Variants in PLCH1 observed in about 807,000 individuals in gnomAD.
PLCH1 encodes phospholipase C eta 1.
A neutral mutation model predicts 126.7 loss-of-function variants in PLCH1; 60 were observed. The ratio of observed to expected loss-of-function variants is 0.47; its 90% CI spans 0.38 to 0.59. PLCH1 has a LOEUF of 0.59. PLCH1 is among the 20% of genes least tolerant of loss of function. The pLI, the probability that PLCH1 is intolerant of heterozygous loss-of-function variation, is 0.00. For missense variants in PLCH1, 1,723 were observed against 2,040.0 expected, an observed-to-expected ratio of 0.84 and a Z score of 2.99; for synonymous variants, 719 against 734.9, an observed-to-expected ratio of 0.98 and a Z score of 0.35.
intron 21 of PLCH1, among the ~76,000 whole-genome samples, chr3:155,469,642 G>C (rs1241716483): frequency 6.6e-6 from 1 of 151,506 alleles, no homozygotes; most frequent in Non-Finnish European, 1.5e-5. Context: ...CAAACAAAAA[G>C]ACAGCAGTAA....
rs9828131 is a variant in PLCH1, at chr3:155,709,819, C to T, written c.-40-5555G>A. Among the ~76,000 whole-genome samples the T allele has an allele frequency of 1.2e-4, 19 of 152,220 alleles. No homozygotes were observed. The South Asian group carries it at 3.1e-3, about 25-fold the overall frequency. On this transcript the variant is annotated intron_variant, in intron 1 of 22. Coordinates refer to ENST00000460012, the MANE Select transcript of PLCH1 (RefSeq NM_014996.4). ...TTTTTGCAGAGACAGGGTCCCATTA[C>T]GTTGCCCAGGCTGGTCTCAAACTTC...
chr3:155,460,295 G>GGCAAA (rs1712660328), intron 21 of PLCH1, among the ~76,000 whole-genome samples: 1 of 152,130 alleles, frequency 6.6e-6, no homozygotes, highest in African/African-American at 2.4e-5. Flanking sequence ...GCCAAAATAT[G>GGCAAA]TACTGGACAG....
At chr3:155,477,342 T>C (rs898061890), downstream of PLCH1, among the ~76,000 whole-genome samples, 12 of 151,952 alleles carry the variant, frequency 7.9e-5, no homozygotes, top group African/African-American at 2.9e-4. Context: ...CTAGGCAAAA[T>C]TTTTTTGAGA....
intron 2 of PLCH1, among the ~76,000 whole-genome samples, chr3:155,690,810 T>C (rs1257218339): frequency 1.3e-5 from 2 of 152,140 alleles, no homozygotes; most frequent in Non-Finnish European, 2.9e-5. Flanking sequence ...AGCCCGGTGG[T>C]CTCCTAAAGC....
chr3:155,504,629 G>A lies in PLCH1; in HGVS notation c.1633-3C>T, dbSNP rs747317162. 6.3e-7 allele frequency: 1 copy of A among 1,585,134 alleles called. No homozygotes were observed. On this transcript the variant is annotated splice_polypyrimidine_tract_variant and splice_region_variant and intron_variant, in intron 12 of 22. Coordinates refer to ENST00000460012, the MANE Select transcript of PLCH1 (RefSeq NM_014996.4). ...CCACTTTCCTTTACATCTGGACTCT[G>A]AATAAATAAAGGCATAATATAACTA...
chr3:155,634,363 C>A (rs1738466166), intron 2 of PLCH1, among the ~76,000 whole-genome samples: 1 of 152,114 alleles, frequency 6.6e-6, no homozygotes, highest in Non-Finnish European at 1.5e-5. Context: ...GAGGAATAAG[C>A]ATTGCGCAAG....
intron 2 of PLCH1, among the ~76,000 whole-genome samples, chr3:155,612,746 T>C (rs542029940): frequency 2.4e-4 from 36 of 151,630 alleles, no homozygotes; most frequent in Non-Finnish European, 5.2e-4. Context: ...CCGTCTCTAC[T>C]AAAAATACAA....
At chr3:155,523,798 G>A in intron 11 of PLCH1, 99 bp downstream of exon 11, 1 of 676,642 alleles carries the variant, frequency 1.5e-6, no homozygotes, top group Non-Finnish European at 2.6e-6. Flanking sequence ...CTACACCACA[G>A]CCACCATAAT....
At chr3:155,564,226 G>T (rs1356978978) in intron 8 of PLCH1, among the ~76,000 whole-genome samples, 1 of 152,152 alleles carries the variant, frequency 6.6e-6, no homozygotes, top group Non-Finnish European at 1.5e-5. Context: ...CCCACTAGAA[G>T]TTTAATAAAT....
At chr3:155,543,628 C>G (rs1196064166) in intron 10 of PLCH1, among the ~76,000 whole-genome samples, 4 of 152,098 alleles carry the variant, frequency 2.6e-5, no homozygotes, top group African/African-American at 4.8e-5. Context: ...ATGTTAAGGG[C>G]AGCCAGAGAG....
intron 8 of PLCH1, among the ~76,000 whole-genome samples, chr3:155,559,245 G>C (rs1344952476): frequency 6.6e-6 from 1 of 151,944 alleles, no homozygotes; most frequent in South Asian, 2.1e-4. Flanking sequence ...ACTATGAGTT[G>C]AATCTCTTAA....
At chr3:155,675,980 A>G in intron 2 of PLCH1, 1 of 1,386,960 alleles carries the variant, frequency 7.2e-7, no homozygotes, top group South Asian at 1.3e-5. Flanking sequence ...CCTTAAAATT[A>G]GTAGTATGAG....
intron 2 of PLCH1, among the ~76,000 whole-genome samples, chr3:155,606,710 G>C (rs1734413114): frequency 6.6e-6 from 1 of 152,226 alleles, no homozygotes; most frequent in African/African-American, 2.4e-5. Context: ...TGGGGGAATA[G>C]GCTGATAATA....
In PLCH1 at chr3:155,718,073, T is replaced by C. The variant is rs538105892; in HGVS notation, c.-40-13809A>G. Among the ~76,000 whole-genome samples the C allele has an allele frequency of 7.2e-5, 11 of 152,248 alleles. No individual in the cohort carries two copies. The South Asian group carries it at 2.3e-3, about 32-fold the overall frequency. Reference sequence around the variant, plus strand: ...CTGCCCAGAAATTCATTCCACCAAATACCCTAGATCATCACTCTGAAGTTA... The same window carrying C: ...CTGCCCAGAAATTCATTCCACCAAACACCCTAGATCATCACTCTGAAGTTA... On this transcript the variant is annotated intron_variant, in intron 1 of 22. Transcript: ENST00000460012.
At chr3:155,584,860 T>G (rs1408603344) in intron 5 of PLCH1, among the ~76,000 whole-genome samples, 1 of 152,134 alleles carries the variant, frequency 6.6e-6, no homozygotes, top group Non-Finnish European at 1.5e-5. Flanking sequence ...CCCTTTAGGA[T>G]TGGCCTCTTA....
intron 1 of PLCH1, among the ~76,000 whole-genome samples, chr3:155,708,291 T>C (rs1746840431): frequency 6.6e-6 from 1 of 152,184 alleles, no homozygotes. Flanking sequence ...TTAGTAGGCC[T>C]GGGGCAAGGG....
chr3:155,593,148 T>C (rs1375923034), intron 4 of PLCH1, among the ~76,000 whole-genome samples: 2 of 152,048 alleles, frequency 1.3e-5, no homozygotes, highest in Admixed American at 6.6e-5. Context: ...GAGACACCTG[T>C]ATTTTAAGGC....
At chr3:155,651,440 C>T (rs1342968745) in intron 2 of PLCH1, among the ~76,000 whole-genome samples, 1 of 151,782 alleles carries the variant, frequency 6.6e-6, no homozygotes. Context: ...GTAATATCTA[C>T]AGAGGGGAAT....
In PLCH1 at chr3:155,506,210, C is replaced by T. The variant is rs1002123447; in HGVS notation, c.1633-1584G>A. Among the ~76,000 whole-genome samples, 3 of 152,150 alleles carry T rather than the reference C, an allele frequency of 2.0e-5. No homozygotes were observed. In the East Asian group the frequency reaches 5.8e-4, roughly 29 times the overall value. ...ATTCCAATTTTACAGAAAAGGAAAGCAGAAATACAGAAAGTTAGATTATAT... is the reference window on the plus strand; with the variant it reads ...ATTCCAATTTTACAGAAAAGGAAAGTAGAAATACAGAAAGTTAGATTATAT... On this transcript the variant is annotated intron_variant, in intron 12 of 22. Coordinates refer to ENST00000460012, the MANE Select transcript of PLCH1 (RefSeq NM_014996.4).
Sources: gnomAD v4.1 joint callset for allele counts (sites outside exome capture counted in the v4.1 genomes callset) on GRCh38, gnomAD v4.1.1 for gene constraint, MANE v1.5 for transcripts, NCBI Gene and HGNC (gene_info 2026-07-23, HGNC 2026-07-21) for gene names.